DGKD: variants seen among roughly 807,000 people sequenced by gnomAD.
DGKD encodes DAG kinase delta.
A neutral mutation model predicts 154.4 loss-of-function variants in DGKD; 68 were observed. That is an observed-to-expected ratio of 0.44 (90% CI 0.36 to 0.54). DGKD has a LOEUF of 0.54. DGKD is among the 20% of genes least tolerant of loss of function. The pLI, the probability that DGKD is intolerant of heterozygous loss-of-function variation, is 0.00. For missense variants in DGKD, 1,343 were observed against 1,593.6 expected (o/e 0.84, Z 2.68); for synonymous variants, 693 against 638.0 (o/e 1.09, Z -1.30).
intron 3 of DGKD, among the ~76,000 whole-genome samples, chr2:233,391,570 A>C (rs1703622501): frequency 6.6e-6 from 1 of 152,248 alleles, no homozygotes; most frequent in African/African-American, 2.4e-5. Flanking sequence ...TTTGACTCTA[A>C]TAACAGCACT....
intron 1 of DGKD, among the ~76,000 whole-genome samples, chr2:233,362,250 G>GA (rs1258538619): frequency 2.0e-5 from 3 of 152,162 alleles, no homozygotes; most frequent in African/African-American, 7.2e-5. Context: ...ATAAAAAATG[G>GA]AAAAATTTGG....
At chr2:233,423,293 A>G (rs1350687719) in intron 3 of DGKD, among the ~76,000 whole-genome samples, 1 of 152,116 alleles carries the variant, frequency 6.6e-6, no homozygotes, top group Non-Finnish European at 1.5e-5. Context: ...TTGCTGGGTC[A>G]TATGCTAGTC....
intron 3 of DGKD, among the ~76,000 whole-genome samples, chr2:233,394,333 C>G (rs1703849924): frequency 6.6e-6 from 1 of 152,056 alleles, no homozygotes; most frequent in Admixed American, 6.6e-5. Context: ...GCCTTAAACT[C>G]CTGGGCTCCA....
In DGKD at chr2:233,375,850, C is replaced by T. The variant is rs117062757; in HGVS notation, c.157-12407C>T. ...CCCTACCCACACCCCTACTTTTCTC[C>T]TGAGCATTTTAAAGCAAATACTTCT... On this transcript the variant is annotated intron_variant, in intron 1 of 29. Transcript: ENST00000264057. Among the ~76,000 whole-genome samples the T allele has an allele frequency of 5.4e-4, 82 of 152,282 alleles. No homozygotes were observed. The East Asian group carries it at 0.01, about 19-fold the overall frequency.
In DGKD at chr2:233,354,764, AGGCCCGGCTCGGCCCGGCCC is replaced by A; in HGVS notation, c.156+93_156+112del. The A allele has an allele frequency of 1.3e-6, 1 of 795,932 alleles. No individual in the cohort carries two copies. Among genetic ancestry groups the A allele is most frequent in the East Asian group, 1.3e-4 (1 of 7,542 alleles). 49.3% of individuals were successfully genotyped at this position (795,932 alleles called of 1,614,324 possible). A position where few individuals can be genotyped will look rare whatever the true frequency, so the allele number is the denominator to read the frequency against. On this transcript the variant is annotated intron_variant, in intron 1 of 29. Coordinates refer to ENST00000264057, the MANE Select transcript of DGKD (RefSeq NM_152879.3). This position sits in a 1 kb window ranked among gnomAD's most constrained non-coding sequence, Gnocchi z 4.8. ...CGTGGCCCTGCCCGAGCGGCCGCCC[AGGCCCGGCTCGGCCCGGCCC>A]GGGGTCCCGCGGGCGTCACCGCCCC... is the stretch of plus-strand genomic sequence containing the variant.
chr2:233,438,339 G>A lies in DGKD; in HGVS notation c.1045G>A (p.Ala349Thr), dbSNP rs758053252. The A allele has an allele frequency of 2.5e-6, 4 of 1,613,944 alleles. No homozygotes were observed. Among genetic ancestry groups the A allele is most frequent in the Non-Finnish European group, 3.4e-6 (4 of 1,179,990 alleles). ...AAGATTCAAACAGCTACTAAACCCC[G>A]CCCAGGTCTTCGACCTCATGAACGG... Reference protein sequence around the residue: ...LRRFKQLLNPAQVFDLMNGGP... With the variant: ...LRRFKQLLNPTQVFDLMNGGP... The change falls in exon 9 of 30, where the codon GCC (alanine) becomes ACC (threonine). Residue 349 changes from alanine to threonine, a missense_variant. Ala to Thr is a moderately conservative substitution (Grantham distance 58). Around this residue, in one of 6 missense-constraint regions of DGKD, gnomAD observed 56 missense variants for 111.1 expected, o/e 0.50. Transcript: ENST00000264057. This position sits in a 1 kb window ranked among gnomAD's most constrained non-coding sequence, Gnocchi z 4.1.
At chr2:233,399,437 T>C (rs1262728397) in intron 3 of DGKD, among the ~76,000 whole-genome samples, 1 of 152,240 alleles carries the variant, frequency 6.6e-6, no homozygotes, top group Non-Finnish European at 1.5e-5. Flanking sequence ...CAGGGCACAG[T>C]CCATGTGCAT....
At chr2:233,378,397 G>T (rs553207784) in intron 1 of DGKD, among the ~76,000 whole-genome samples, 8 of 148,142 alleles carry the variant, frequency 5.4e-5, no homozygotes, top group Non-Finnish European at 1.0e-4. Flanking sequence ...GGGCGATAGA[G>T]TGAGACTCCA....
chr2:233,386,332 C>T (rs1467419903), intron 1 of DGKD: 2 of 186,428 alleles, frequency 1.1e-5, no homozygotes, highest in Non-Finnish European at 2.3e-5. Context: ...TTGTTCTGTG[C>T]AGATGTATTT....
chr2:233,360,304 G>A (rs766249250), intron 1 of DGKD, among the ~76,000 whole-genome samples: 2 of 151,806 alleles, frequency 1.3e-5, no homozygotes, highest in South Asian at 2.1e-4. Flanking sequence ...TTGCTCGGTC[G>A]TCCAGGCTGG....
At chr2:233,390,165 G>A (rs553255953) in intron 2 of DGKD, among the ~76,000 whole-genome samples, 6 of 152,238 alleles carry the variant, frequency 3.9e-5, no homozygotes, top group African/African-American at 1.4e-4. Flanking sequence ...CAATGACAAT[G>A]TTTGTAGATT....
At chr2:233,381,203 C>T (rs956820652) in intron 1 of DGKD, among the ~76,000 whole-genome samples, 4 of 152,238 alleles carry the variant, frequency 2.6e-5, no homozygotes, top group South Asian at 2.1e-4. Context: ...TGATGTGGCA[C>T]ACACTCCGTT....
rs568968222 is a variant in DGKD, at chr2:233,469,360, C to T, written c.3556-11C>T. Reference sequence around the variant, plus strand: ...TTCTCGGCATCCATGGCGGTGTCTTCTCTGTTGCAGGACCTGGGCGTGACC... The same window carrying T: ...TTCTCGGCATCCATGGCGGTGTCTTTTCTGTTGCAGGACCTGGGCGTGACC... On this transcript the variant is annotated splice_polypyrimidine_tract_variant and intron_variant, in intron 29 of 29. Coordinates refer to ENST00000264057, the MANE Select transcript of DGKD (RefSeq NM_152879.3). 2.5e-6 allele frequency: 4 copies of T among 1,607,614 alleles called. No individual in the cohort carries two copies. The South Asian group carries it at 4.5e-5, about 18-fold the overall frequency.
rs1277036745 is a variant in DGKD at position 233,472,037 on chromosome 2, C to T, written c.*2577C>T. On this transcript the variant is annotated 3_prime_UTR_variant, in exon 30 of 30. Coordinates refer to ENST00000264057, the MANE Select transcript of DGKD (RefSeq NM_152879.3). ...TGTATTGTCATGTACATAGTCCATA[C>T]CTGAGTGCTGTACATAAGTTGTTCT... 2 of 152,310 alleles carry T rather than the reference C, an allele frequency of 1.3e-5. No individual in the cohort carries two copies. The highest frequency in any genetic ancestry group is 2.9e-5 in the Non-Finnish European group (2 of 68,018). 9.4% of individuals were successfully genotyped at this position (152,310 alleles called of 1,614,324 possible).
chr2:233,384,690 C>T (rs984136061), intron 1 of DGKD, among the ~76,000 whole-genome samples: 1 of 152,172 alleles, frequency 6.6e-6, no homozygotes, highest in Non-Finnish European at 1.5e-5. Context: ...CCTGCCACCC[C>T]AGACTCTTGT....
In DGKD at chr2:233,450,067, A is replaced by G. The variant is rs2063222209; in HGVS notation, c.1974A>G (p.Arg658=). 1 of 1,613,818 alleles carries G rather than the reference A, an allele frequency of 6.2e-7. No homozygotes were observed. Among genetic ancestry groups the G allele is most frequent in the Non-Finnish European group, 8.5e-7 (1 of 1,179,970 alleles). The change falls in exon 16 of 30, where the codon AGA becomes AGG. Residue 658 remains arginine (R), a synonymous_variant. Transcript: ENST00000264057. ...LSESEEKMDH[R]VCPPLSHSES... ...AGTCAGAGGAGAAGATGGACCACAG[A>G]GTGTGCCCACCACTGTCCCACAGCG... is the stretch of plus-strand genomic sequence containing the variant.
chr2:233,465,681 A>C (rs866063612), intron 27 of DGKD, among the ~76,000 whole-genome samples: 1 of 152,248 alleles, frequency 6.6e-6, no homozygotes, highest in South Asian at 2.1e-4. Flanking sequence ...CAAAAATAAA[A>C]TACAATTTAT....
At chr2:233,402,018 G>A (rs1367670077) in intron 3 of DGKD, among the ~76,000 whole-genome samples, 1 of 149,270 alleles carries the variant, frequency 6.7e-6, no homozygotes, top group Non-Finnish European at 1.5e-5. Context: ...GTCCTCATGT[G>A]CCCTCCCAGC....
Position 233,456,843 on chromosome 2 carries a change from G to A in DGKD, c.2376-56G>A. 5 of 1,350,750 alleles carry A rather than the reference G, an allele frequency of 3.7e-6. No individual in the cohort carries two copies. The South Asian group carries it at 5.9e-5, about 16-fold the overall frequency. The allele number at this position is 1,350,750 out of a possible 1,614,324, so 83.7% of individuals were successfully genotyped here. A position where few individuals can be genotyped will look rare whatever the true frequency, so the allele number is the denominator to read the frequency against. ...TCCCAGCTTTCACAGAAATGACTCT[G>A]GTTAACTATACGAAGAAAGCCCAGA... On this transcript the variant is annotated intron_variant, in intron 19 of 29. Transcript: ENST00000264057.
Sources: allele counts gnomAD v4.1 joint callset (sites outside exome capture counted in the v4.1 genomes callset), GRCh38; gene constraint gnomAD v4.1.1; regional missense constraint gnomAD v4.1.1; non-coding constraint Gnocchi (gnomAD v3.1); transcripts MANE v1.5; gene names NCBI Gene and HGNC (gene_info 2026-07-23, HGNC 2026-07-21).